The following VKORC1L1 variants were observed in gnomAD, a reference collection of about 807,000 sequenced individuals.
VKORC1L1 encodes vitamin K epoxide reductase complex subunit 1-like protein 1.
A neutral mutation model predicts 18.9 loss-of-function variants in VKORC1L1; 2 were observed. The ratio of observed to expected loss-of-function variants is 0.11; its 90% confidence interval spans 0.04 to 0.33. The LOEUF (loss-of-function observed/expected upper bound fraction) is 0.33. VKORC1L1 is among the 10% of genes least tolerant of loss of function. The probability of loss-of-function intolerance (pLI) is 1.00; values close to 1 mark genes in which losing one functional copy is unlikely to be tolerated. For synonymous variants in VKORC1L1, 96 were observed against 100.0 expected, an observed-to-expected ratio of 0.96 and a Z score of 0.24; for missense variants, 123 against 224.1, an observed-to-expected ratio of 0.55 and a Z score of 2.88.
At chr7:65,929,682 G>GTATATATATATATATA (rs34648135) in intron 1 of VKORC1L1, among the ~76,000 whole-genome samples, 30 of 128,620 alleles carry the variant, frequency 2.3e-4, no homozygotes, top group African/African-American at 7.5e-4. Context: ...GTGTGTGTGT[G>GTATATATATATATATA]TATATATATA....
At chr7:65,896,571 T>C (rs950399357) in intron 1 of VKORC1L1, among the ~76,000 whole-genome samples, 8 of 124,598 alleles carry the variant, frequency 6.4e-5, no homozygotes, top group East Asian at 2.9e-4. Flanking sequence ...TCCTTCCTTC[T>C]TTCCCTCCCT....
chr7:65,921,305 C>T (rs1255474253), intron 1 of VKORC1L1, among the ~76,000 whole-genome samples: 1 of 152,194 alleles, frequency 6.6e-6, no homozygotes, highest in Non-Finnish European at 1.5e-5. Flanking sequence ...GTGCCATGTT[C>T]ATTTTTCTCT....
chr7:65,895,473 AAAAAAAAATATATATATATAT>A lies in VKORC1L1; in HGVS notation c.194+21910_194+21930del, dbSNP rs1168293947. On this transcript the variant is annotated intron_variant, in intron 1 of 2. Coordinates refer to ENST00000360768, the MANE Select transcript of VKORC1L1 (RefSeq NM_173517.6). ...TGTGAGAAAAAAAAAAAAAAAAAAA[AAAAAAAAATATATATATATAT>A]ATATATATATATATATATATATACA... Among the ~76,000 whole-genome samples, 35 of 48,752 alleles carry A rather than the reference AAAAAAAAATATATATATATAT, an allele frequency of 7.2e-4. 2 individuals are homozygous for A. In the East Asian group the frequency reaches 0.01, roughly 14 times the overall value. The allele number at this position is 48,752 out of a possible 152,430, so 32.0% of individuals were successfully genotyped here. A position where few individuals can be genotyped will look rare whatever the true frequency, so the allele number is the denominator to read the frequency against.
chr7:65,872,297 G>A (rs993487967), upstream of VKORC1L1, among the ~76,000 whole-genome samples: 19 of 151,840 alleles, frequency 1.3e-4, no homozygotes, highest in African/African-American at 4.4e-4. Flanking sequence ...TCAGCTTACG[G>A]AAAAGCAAGG....
chr7:65,867,169 G>A, the VKORC1L1 span, among the ~76,000 whole-genome samples: 3 of 152,120 alleles, frequency 2.0e-5, no homozygotes, highest in Non-Finnish European at 4.4e-5. Context: ...CCTGGTGACA[G>A]AGGGAGACTC....
chr7:65,877,393 A>T (rs1583818964), intron 1 of VKORC1L1, among the ~76,000 whole-genome samples: 2 of 150,732 alleles, frequency 1.3e-5, no homozygotes, highest in Non-Finnish European at 3.0e-5. Flanking sequence ...TGTCACCCGG[A>T]CTGGAGTGCA....
chr7:65,871,108 G>A (rs1788720433), upstream of VKORC1L1, among the ~76,000 whole-genome samples: 1 of 152,224 alleles, frequency 6.6e-6, no homozygotes, highest in African/African-American at 2.4e-5. Context: ...GTGGTAGATA[G>A]CTTCCTCATA....
chr7:65,948,597 G>A, intron 1 of VKORC1L1, 74 bp from the exon 2 acceptor site: 2 of 537,068 alleles, frequency 3.7e-6, no homozygotes, highest in Non-Finnish European at 6.3e-6. Flanking sequence ...ATTGGATAAC[G>A]TTCTCAAATA....
chr7:65,953,058 A>G (rs1562659399), intron 2 of VKORC1L1, among the ~76,000 whole-genome samples: 1 of 151,686 alleles, frequency 6.6e-6, no homozygotes, highest in Non-Finnish European at 1.5e-5. Context: ...TAGCCTCCCA[A>G]AGTCCTAGCA....
upstream of VKORC1L1, among the ~76,000 whole-genome samples, chr7:65,868,680 T>C (rs1001871739): frequency 2.0e-5 from 3 of 152,176 alleles, no homozygotes. Context: ...TCACTGTGGA[T>C]AGAACTGGAG....
chr7:65,944,054 G>A (rs1282945572), intron 1 of VKORC1L1, among the ~76,000 whole-genome samples: 11 of 152,096 alleles, frequency 7.2e-5, no homozygotes, highest in African/African-American at 2.2e-4. Context: ...TTCAGTGGGC[G>A]GATCACTTGA....
At chr7:65,954,024 C>A (rs1470478784) in intron 2 of VKORC1L1, 50 bp from the exon 3 acceptor site, 1 of 1,508,952 alleles carries the variant, frequency 6.6e-7, no homozygotes, top group Middle Eastern at 1.8e-4. Context: ...ACTCAGAAAG[C>A]CTCTCTCCAG....
rs1383701109 is a variant in VKORC1L1, at chr7:65,955,202, A to C, written c.*902A>C. The C allele has an allele frequency of 6.6e-6, 1 of 152,206 alleles. No individual in the cohort carries two copies. The highest frequency in any genetic ancestry group is 1.5e-5 in the Non-Finnish European group (1 of 68,042). 9.4% of individuals were successfully genotyped at this position (152,206 alleles called of 1,614,324 possible). On this transcript the variant is annotated 3_prime_UTR_variant, in exon 3 of 3. Transcript: ENST00000360768. ...CTGGAAATATAAACATGGCATTTTT[A>C]GGTAAAGTTTCTTCCACTAGTTGAA... is the stretch of plus-strand genomic sequence containing the variant.
intron 2 of VKORC1L1, among the ~76,000 whole-genome samples, chr7:65,949,101 A>ATT (rs1275989574): frequency 6.6e-6 from 1 of 152,138 alleles, no homozygotes; most frequent in African/African-American, 2.4e-5. Flanking sequence ...AAAATATCAT[A>ATT]TATTAAGGGG....
upstream of VKORC1L1, among the ~76,000 whole-genome samples, chr7:65,870,899 A>C (rs548705992): frequency 6.6e-6 from 1 of 152,090 alleles, no homozygotes; most frequent in East Asian, 1.9e-4. Context: ...CTCTGGGCTC[A>C]GTCAGTCCTC....
In VKORC1L1 at chr7:65,873,419, G is replaced by A. The variant is rs1264136263; in HGVS notation, c.48G>A (p.Arg16=). The A allele has an allele frequency of 1.9e-6, 3 of 1,584,378 alleles. No homozygotes were observed. The highest frequency in any genetic ancestry group is 3.4e-5 in the Admixed American group (2 of 58,580). ...GAGTGTCGGTGCCGCGGTGGGAGCG[G>A]GTGGCCCGGTATGCAGTGTGCGCTG... The part of the protein sequence containing the change: ...LLRVSVPRWE[R]VARYAVCAAG... Residue 16 remains arginine, a synonymous_variant, in exon 1 of 3, where the codon CGG becomes CGA. Transcript: ENST00000360768.
intron 1 of VKORC1L1, among the ~76,000 whole-genome samples, chr7:65,880,020 A>T (rs1178189466): frequency 6.6e-6 from 1 of 151,434 alleles, no homozygotes; most frequent in Non-Finnish European, 1.5e-5. Flanking sequence ...TGCCTAGCTA[A>T]TTTTTTCTAT....
intron 1 of VKORC1L1, among the ~76,000 whole-genome samples, chr7:65,906,090 C>T (rs561130414): frequency 3.9e-5 from 6 of 151,992 alleles, no homozygotes; most frequent in South Asian, 2.1e-4. Flanking sequence ...CATTCCGTAT[C>T]TCCCATATTC....
At chr7:65,947,198 A>G (rs1583867113) in intron 1 of VKORC1L1, among the ~76,000 whole-genome samples, 1 of 152,160 alleles carries the variant, frequency 6.6e-6, no homozygotes, top group Non-Finnish European at 1.5e-5. Flanking sequence ...AAAAATCTTC[A>G]TGGCTTTCAC....
Sources: allele counts gnomAD v4.1 joint callset (sites outside exome capture counted in the v4.1 genomes callset), GRCh38; gene constraint gnomAD v4.1.1; transcripts MANE v1.5; gene names NCBI Gene and HGNC (gene_info 2026-07-23, HGNC 2026-07-21).